Variants in NLRP9 observed in about 807,000 individuals in gnomAD.
The protein encoded by NLRP9 is NACHT, LRR and PYD domains-containing protein 9.
NLRP9 carries 88 observed loss-of-function variants against 83.1 expected under a neutral mutation model. The observed-to-expected ratio is 1.06, with a 90% CI of 0.89 to 1.26. NLRP9 has a LOEUF of 1.26. Ranked by LOEUF, NLRP9 falls within the 50% of genes most tolerant of loss-of-function variation. NLRP9 has a pLI of 0.00. For synonymous variants in NLRP9, 521 were observed against 447.6 expected, an observed-to-expected ratio of 1.16 and a Z score of -2.07; for missense variants, 1,308 against 1,179.3, an observed-to-expected ratio of 1.11 and a Z score of -1.60.
chr19:55,712,474 A>C lies in NLRP9; in HGVS notation c.2618T>G (p.Val873Gly), dbSNP rs1987775472. 2 of 1,612,740 alleles carry C rather than the reference A, an allele frequency of 1.2e-6. No homozygotes were observed. Among genetic ancestry groups the C allele is most frequent in the African/African-American group, 1.3e-5 (1 of 74,880 alleles). ...CTGCAAAGCTGCACATAACTGTCTG[A>C]CACCAGTGTCTCCTATTTCATTATG... is the stretch of plus-strand genomic sequence containing the variant. Reference protein sequence around the residue: ...LGHNEIGDTGVRQLCAALQHP... With the variant: ...LGHNEIGDTGGRQLCAALQHP... Residue 873 changes from valine to glycine, a missense_variant, in exon 7 of 9, where the codon GTC (valine) becomes GGC (glycine). Val to Gly is a moderately radical substitution (Grantham distance 109). Transcript: ENST00000332836.
rs140691381 is a variant in NLRP9, at chr19:55,729,866, C to T, written c.1959G>A (p.Ala653=). The T allele has an allele frequency of 5.8e-5, 94 of 1,613,434 alleles. No individual in the cohort carries two copies. The highest frequency in any genetic ancestry group is 1.3e-4 in the South Asian group (12 of 91,046). ...DDPSLAILCK[A]LAQPVCKLRK... ...GGAGTTTACAAACAGGCTGAGCCAG[C>T]GCTTTGCAAAGAATCGCCAGGGAGG... Residue 653 remains alanine, a synonymous_variant, in exon 3 of 9, where the codon GCG becomes GCA. Coordinates refer to ENST00000332836, the MANE Select transcript of NLRP9 (RefSeq NM_176820.4).
chr19:55,718,666 CA>C (rs1988115502), intron 4 of NLRP9, among the ~76,000 whole-genome samples: 3 of 152,206 alleles, frequency 2.0e-5, no homozygotes, highest in Admixed American at 1.3e-4. Flanking sequence ...ACCTGTTGCC[CA>C]GCCACATTCC....
At chr19:55,712,013 G>T (rs1179022227) in intron 7 of NLRP9, 43 bp from the exon 8 acceptor site, 2 of 1,593,374 alleles carry the variant, frequency 1.3e-6, no homozygotes, top group African/African-American at 1.3e-5. Flanking sequence ...CTAGCTTTGG[G>T]TAGGCTGGAA....
At chr19:55,710,688 C>T (rs1052110311) in intron 8 of NLRP9, among the ~76,000 whole-genome samples, 10 of 152,278 alleles carry the variant, frequency 6.6e-5, no homozygotes, top group African/African-American at 2.2e-4. Context: ...CTTCACATTC[C>T]GCCATGATTC....
chr19:55,726,800 A>G (rs1400399061), intron 3 of NLRP9, among the ~76,000 whole-genome samples: 1 of 152,148 alleles, frequency 6.6e-6, no homozygotes, highest in African/African-American at 2.4e-5. Context: ...CTGGCTTCTG[A>G]TTCTCCATCG....
intron 6 of NLRP9, among the ~76,000 whole-genome samples, chr19:55,713,346 G>C (rs1455206026): frequency 6.6e-6 from 1 of 151,764 alleles, no homozygotes; most frequent in Non-Finnish European, 1.5e-5. Flanking sequence ...CAGATGAATA[G>C]TTAATAGATG....
intron 8 of NLRP9, among the ~76,000 whole-genome samples, chr19:55,710,233 A>T (rs1162442395): frequency 6.6e-6 from 1 of 152,080 alleles, no homozygotes; most frequent in African/African-American, 2.4e-5. Flanking sequence ...TTATTATTTT[A>T]TAATGCAGGC....
chr19:55,729,405 G>A (rs146804048), intron 3 of NLRP9, among the ~76,000 whole-genome samples: 2,579 of 151,882 alleles, frequency 0.017, 63 homozygotes, highest in African/African-American at 0.057. Context: ...CCCACAACAG[G>A]CTGCGGTATG....
chr19:55,711,937 G>T lies in NLRP9; in HGVS notation c.2706C>A (p.Cys902Ter), dbSNP rs758616311. ...LQTCPITRACCDDIAAALIAC... is the reference protein window; with the variant it reads ...LQTCPITRAC ...CGATGAGTGCTGCGGCGATGTCGTC[G>T]CAGCAGGCACGGGTGATCGGACACG... The change falls in exon 8 of 9, where the codon TGC (cysteine) becomes TGA (stop). Residue 902 changes from cysteine to a stop codon, truncating the protein, a stop_gained. Coordinates refer to ENST00000332836, the MANE Select transcript of NLRP9 (RefSeq NM_176820.4). LOFTEE classifies it high-confidence loss of function. The T allele has an allele frequency of 5.0e-6, 8 of 1,612,984 alleles. No homozygotes were observed. The highest frequency in any genetic ancestry group is 3.3e-5 in the Admixed American group (2 of 59,978).
intron 2 of NLRP9, 23 bp from the exon 3 acceptor site, chr19:55,730,015 A>AT: frequency 6.2e-7 from 1 of 1,603,066 alleles, no homozygotes; most frequent in South Asian, 1.1e-5. Flanking sequence ...AAAGATTGTG[A>AT]TTCTCCAGTG....
At chr19:55,729,646 T>C (rs186427775) in intron 3 of NLRP9, among the ~76,000 whole-genome samples, 185 bp downstream of exon 3, 1 of 152,180 alleles carries the variant, frequency 6.6e-6, no homozygotes, top group East Asian at 1.9e-4. Context: ...TGATGGACAT[T>C]TGGGTTGGTT....
chr19:55,732,914 T>A lies in NLRP9; in HGVS notation c.917A>T (p.Tyr306Phe). Reference sequence around the variant, plus strand: ...CTTCTCACCAAAGAAGTAGGAGAAATACGACTTCTTTTCAGATTCACTGAA... The same window carrying A: ...CTTCTCACCAAAGAAGTAGGAGAAAAACGACTTCTTTTCAGATTCACTGAA... ...LGFSESEKKSYFSYFFGEKSK... is the reference protein window; with the variant it reads ...LGFSESEKKSFFSYFFGEKSK... The change falls in exon 2 of 9, where the codon TAT becomes TTT. Residue 306 changes from tyrosine (Y) to phenylalanine (F), a missense_variant. Transcript: ENST00000332836. 3 of 1,613,944 alleles carry A rather than the reference T, an allele frequency of 1.9e-6. No individual in the cohort carries two copies. The highest frequency in any genetic ancestry group is 2.5e-6 in the Non-Finnish European group (3 of 1,179,988).
At chr19:55,728,791 A>C (rs1202960678) in intron 3 of NLRP9, among the ~76,000 whole-genome samples, 4 of 152,290 alleles carry the variant, frequency 2.6e-5, no homozygotes, top group African/African-American at 4.8e-5. Flanking sequence ...TGATGACATG[A>C]CTTTTCAAGC....
In NLRP9 at chr19:55,719,349, C is replaced by CA. The variant is rs370525426; in HGVS notation, c.2160-2452dup. Among the ~76,000 whole-genome samples, 62 of 152,262 alleles carry CA rather than the reference C, an allele frequency of 4.1e-4. 1 individual carries two copies. Among genetic ancestry groups the CA allele is most frequent in the African/African-American group, 1.3e-3 (55 of 41,558 alleles). Reference sequence around the variant, plus strand: ...TGTATTTTTAGTAGAGACGGGGTTTCACCATGTTGGCCAGGGTGATCTCGA... The same window carrying CA: ...TGTATTTTTAGTAGAGACGGGGTTTCAACCATGTTGGCCAGGGTGATCTCGA... On this transcript the variant is annotated intron_variant, in intron 4 of 8. Coordinates refer to ENST00000332836, the MANE Select transcript of NLRP9 (RefSeq NM_176820.4).
At chr19:55,735,315 G>C (rs568731864) in intron 1 of NLRP9, among the ~76,000 whole-genome samples, 1 of 150,944 alleles carries the variant, frequency 6.6e-6, no homozygotes, top group Non-Finnish European at 1.5e-5. Flanking sequence ...TGCTAGGCAC[G>C]GTGGCTCACG....
chr19:55,717,097 G>A (rs1315357259), intron 4 of NLRP9, among the ~76,000 whole-genome samples, 199 bp from the exon 5 acceptor site: 3 of 148,528 alleles, frequency 2.0e-5, no homozygotes, highest in African/African-American at 5.0e-5. Flanking sequence ...GCAGTGGTGC[G>A]ATCTCGGCTC....
At chr19:55,709,545 T>G (rs1987618634) in intron 8 of NLRP9, 1 of 152,272 alleles carries the variant, frequency 6.6e-6, no homozygotes, top group African/African-American at 2.4e-5. Flanking sequence ...ATGTCAAACG[T>G]TCTTGTCTGT....
rs142590825 is a variant in NLRP9 at position 55,729,952 on chromosome 19, T to C, written c.1873A>G (p.Met625Val). 1.5e-5 allele frequency: 24 copies of C among 1,613,560 alleles called. No individual in the cohort carries two copies. In the African/African-American group the frequency reaches 3.1e-4, roughly 21 times the overall value. ...TGGAAGTTCTTGTTGGTAATGAACA[T>C]TGAGCAAAGCTCCCGCCAGTAGACG... ...KLVYWRELCS[M>V]FITNKNFQIL... Residue 625 changes from methionine to valine, a missense_variant, in exon 3 of 9, where the codon ATG (methionine) becomes GTG (valine). Met to Val is a conservative substitution (Grantham distance 21). Coordinates refer to ENST00000332836, the MANE Select transcript of NLRP9 (RefSeq NM_176820.4).
intron 1 of NLRP9, among the ~76,000 whole-genome samples, chr19:55,735,656 T>C (rs1000317342): frequency 6.6e-6 from 1 of 152,168 alleles, no homozygotes; most frequent in African/African-American, 2.4e-5. Context: ...TTCATGCACA[T>C]TTTTCATCAC....
Sources: allele counts gnomAD v4.1 joint callset (sites outside exome capture counted in the v4.1 genomes callset), GRCh38; gene constraint gnomAD v4.1.1; transcripts MANE v1.5; gene names NCBI Gene and HGNC (gene_info 2026-07-23, HGNC 2026-07-21).